Variants in AFF3 observed in about 807,000 individuals in gnomAD.
AFF3 encodes ALF transcription elongation factor 3.
AFF3 carries 32 observed loss-of-function variants against 129.7 expected under a neutral mutation model. The ratio of observed to expected loss-of-function variants is 0.25; its 90% CI spans 0.19 to 0.33. AFF3 has a LOEUF of 0.33. AFF3 is among the 10% of genes least tolerant of loss of function. AFF3 has a pLI of 1.00. For missense variants in AFF3, 1,373 were observed against 1,592.0 expected (o/e 0.86, Z 2.34); for synonymous variants, 644 against 635.4 (o/e 1.01, Z -0.20).
intron 9 of AFF3, among the ~76,000 whole-genome samples, chr2:99,751,312 T>TC (rs1400066434): frequency 1.3e-5 from 2 of 152,276 alleles, no homozygotes; most frequent in African/African-American, 4.8e-5. Context: ...AGGCTGGTCT[T>TC]CAACTCTTGA....
intron 4 of AFF3, among the ~76,000 whole-genome samples, chr2:100,036,834 GAAAA>G (rs60910274): frequency 8.4e-6 from 1 of 118,756 alleles, no homozygotes; most frequent in Non-Finnish European, 1.8e-5. Flanking sequence ...ACTCCAAACA[GAAAA>G]AAAAAAAAAG....
chr2:99,816,039 TC>T (rs1687206426), intron 8 of AFF3, among the ~76,000 whole-genome samples: 1 of 151,334 alleles, frequency 6.6e-6, no homozygotes. Flanking sequence ...GATGATCTGT[TC>T]TTTTTTTTTT....
intron 6 of AFF3, 36 bp from the exon 7 acceptor site, chr2:100,007,053 G>A (rs781081090): frequency 1.3e-6 from 2 of 1,591,620 alleles, no homozygotes; most frequent in East Asian, 2.2e-5. Context: ...AGATAAGGAT[G>A]AGGGGGGTCG....
At chr2:99,735,841 A>C (rs1036574550) in intron 10 of AFF3, among the ~76,000 whole-genome samples, 2 of 152,108 alleles carry the variant, frequency 1.3e-5, no homozygotes, top group Non-Finnish European at 2.9e-5. Context: ...CCTCTAATTT[A>C]GTTTCTTCCT....
At chr2:99,629,696 C>T (rs993225712) in intron 13 of AFF3, among the ~76,000 whole-genome samples, 10 of 152,164 alleles carry the variant, frequency 6.6e-5, no homozygotes, top group African/African-American at 2.2e-4. Flanking sequence ...TCTTCAAATC[C>T]AAGATCAAGG....
intron 7 of AFF3, among the ~76,000 whole-genome samples, chr2:99,947,649 T>TAGACAGACAGACAGACAGAC (rs1182923875): frequency 4.2e-5 from 5 of 118,804 alleles, no homozygotes; most frequent in African/African-American, 9.0e-5. Flanking sequence ...GATAGATAGA[T>TAGACAGACAGACAGACAGAC]AGATAGACAG....
intron 11 of AFF3, among the ~76,000 whole-genome samples, chr2:99,686,220 T>C (rs1675045990): frequency 6.6e-6 from 1 of 152,032 alleles, no homozygotes. Context: ...CCCAGTCCAA[T>C]GCAGACTTTC....
rs1217179593 is a variant in AFF3, at chr2:100,058,876, T to C, written c.53+45526A>G. 2.0e-5 allele frequency among the ~76,000 whole-genome samples: 3 copies of C among 152,212 alleles called. No individual in the cohort carries two copies. The South Asian group carries it at 6.2e-4, about 32-fold the overall frequency. On this transcript the variant is annotated intron_variant, in intron 4 of 24. Transcript: ENST00000672756. ...AATGGGAGAAAATATCTGTAAATCA[T>C]GTATCTGATAAGGGACTTGTACCTG...
At chr2:99,901,727 T>C (rs1287369297) in intron 7 of AFF3, among the ~76,000 whole-genome samples, 1 of 152,180 alleles carries the variant, frequency 6.6e-6, no homozygotes, top group African/African-American at 2.4e-5. Context: ...TATCAAATTG[T>C]TGCAGTCACC....
chr2:99,689,991 A>G (rs1407338038), intron 11 of AFF3, among the ~76,000 whole-genome samples: 3 of 149,322 alleles, frequency 2.0e-5, no homozygotes, highest in Non-Finnish European at 3.0e-5. Context: ...GGAGGCTGGG[A>G]CAGGAGAATT....
chr2:99,947,417 T>C (rs1403259081), intron 7 of AFF3, among the ~76,000 whole-genome samples: 1 of 150,708 alleles, frequency 6.6e-6, no homozygotes, highest in Non-Finnish European at 1.5e-5. Context: ...CACTCCAGCC[T>C]GGGAGACAGA....
intron 8 of AFF3, among the ~76,000 whole-genome samples, chr2:99,792,186 T>C (rs1045150823): frequency 6.6e-6 from 1 of 152,178 alleles, no homozygotes; most frequent in East Asian, 1.9e-4. Flanking sequence ...ATAATGAGAA[T>C]GGACAGCATA....
Position 99,594,206 on chromosome 2 carries a change from T to G in AFF3, c.1455A>C (p.Gln485His), listed in dbSNP as rs1000614160. The change falls in exon 15 of 25, where the codon CAA (glutamine) becomes CAC (histidine). Residue 485 changes from glutamine (Q) to histidine (H), a missense_variant. By Grantham distance (24) the Gln-to-His change is conservative. Around this residue, in one of 9 missense-constraint regions of AFF3, gnomAD observed 413 missense variants for 424.4 expected, o/e 0.97. Coordinates refer to ENST00000672756, the MANE Select transcript of AFF3 (RefSeq NM_001386135.1). ...VNPHKPPILIQNESHGSESNQ... is the reference protein window; with the variant it reads ...VNPHKPPILIHNESHGSESNQ... ...TGCTCTCTGACCCGTGGCTTTCATT[T>G]TGGATCAGAATAGGAGGCTTGTGGG... is the stretch of plus-strand genomic sequence containing the variant. The G allele has an allele frequency of 3.1e-6, 5 of 1,614,094 alleles. No homozygotes were observed. In the East Asian group the frequency reaches 1.1e-4, roughly 36 times the overall value.
Position 99,551,027 on chromosome 2 carries a change from C to T in AFF3, c.*447G>A, listed in dbSNP as rs1209164031. On this transcript the variant is annotated 3_prime_UTR_variant, in exon 25 of 25. Coordinates refer to ENST00000672756, the MANE Select transcript of AFF3 (RefSeq NM_001386135.1). ...AGGTCCATCTTCACTGGCAGTCAAG[C>T]TTTTGGTGTGCTGTATTGCACCTGG... The T allele has an allele frequency of 7.5e-6, 3 of 401,916 alleles. No homozygotes were observed. Among genetic ancestry groups the T allele is most frequent in the Non-Finnish European group, 1.3e-5 (3 of 227,284 alleles). 24.9% of individuals were successfully genotyped at this position (401,916 alleles called of 1,614,324 possible). A position where few individuals can be genotyped will look rare whatever the true frequency, so the allele number is the denominator to read the frequency against.
intron 4 of AFF3, among the ~76,000 whole-genome samples, chr2:100,028,187 G>C (rs1239825807): frequency 6.6e-6 from 1 of 152,086 alleles, no homozygotes; most frequent in Non-Finnish European, 1.5e-5. Flanking sequence ...GTGTCTCCCA[G>C]GCAGCTTGAG....
At chr2:99,905,412 G>A (rs1005521050) in intron 7 of AFF3, among the ~76,000 whole-genome samples, 6 of 152,124 alleles carry the variant, frequency 3.9e-5, no homozygotes, top group African/African-American at 7.2e-5. Flanking sequence ...TTCTCAGTCC[G>A]AATACTTTTT....
At chr2:99,876,687 T>C (rs1286676776) in intron 7 of AFF3, among the ~76,000 whole-genome samples, 1 of 152,082 alleles carries the variant, frequency 6.6e-6, no homozygotes, top group Non-Finnish European at 1.5e-5. Context: ...AAACAAAAAT[T>C]CTTAACATAG....
chr2:99,567,887 G>C (rs1236362796), intron 19 of AFF3, among the ~76,000 whole-genome samples: 2 of 152,220 alleles, frequency 1.3e-5, no homozygotes, highest in East Asian at 3.9e-4. Flanking sequence ...TCTTCTCCAA[G>C]AGTGGCCATT....
rs1001221852 is a variant in AFF3, at chr2:99,953,684, T to C, written c.873+52948A>G. On this transcript the variant is annotated intron_variant, in intron 7 of 24. Coordinates refer to ENST00000672756, the MANE Select transcript of AFF3 (RefSeq NM_001386135.1). ...ACCCATTCTGGGGCTCTGTTTTATA[T>C]AGAAGATGAGAAAAATAACAGTTTC... is the stretch of plus-strand genomic sequence containing the variant. Among the ~76,000 whole-genome samples, 5 of 152,294 alleles carry C rather than the reference T, an allele frequency of 3.3e-5. No homozygotes were observed. In the South Asian group the frequency reaches 8.3e-4, roughly 25 times the overall value.
Sources: gnomAD v4.1 joint callset for allele counts (sites outside exome capture counted in the v4.1 genomes callset) on GRCh38, gnomAD v4.1.1 for gene constraint, gnomAD v4.1.1 regional missense constraint, MANE v1.5 for transcripts, NCBI Gene and HGNC (gene_info 2026-07-23, HGNC 2026-07-21) for gene names.